DISP1: variants seen among roughly 807,000 people sequenced by gnomAD.
DISP1 encodes dispatched RND transporter family member 1, also known as protein dispatched homolog 1.
A neutral mutation model predicts 37.3 loss-of-function variants in DISP1; 30 were observed. The observed-to-expected ratio is 0.80, with a 90% CI of 0.60 to 1.09. The LOEUF is 1.09. Among genes scored for constraint, DISP1 ranks in the 50% least tolerant of loss-of-function variants. The pLI, the probability that DISP1 is intolerant of heterozygous loss-of-function variation, is 0.00. For missense variants in DISP1, 1,598 were observed against 1,879.5 expected (o/e 0.85, Z 2.77); for synonymous variants, 634 against 690.2 (o/e 0.92, Z 1.28).
intron 1 of DISP1, among the ~76,000 whole-genome samples, chr1:222,870,568 T>G (rs1007697093): frequency 2.0e-5 from 3 of 152,226 alleles, no homozygotes; most frequent in African/African-American, 4.8e-5. Context: ...TCATGTGTTT[T>G]TTGGCTGCAT....
intron 1 of DISP1, among the ~76,000 whole-genome samples, chr1:222,898,830 C>T (rs1038441366): frequency 5.9e-5 from 9 of 151,998 alleles, no homozygotes; most frequent in South Asian, 2.1e-4. Flanking sequence ...CTTTCATTGC[C>T]GTATATCTCC....
At chr1:222,927,464 A>G (rs1266561983) in intron 1 of DISP1, among the ~76,000 whole-genome samples, 2 of 152,170 alleles carry the variant, frequency 1.3e-5, no homozygotes, top group African/African-American at 2.4e-5. Flanking sequence ...ACTCTTAGAT[A>G]TATGACGTGC....
chr1:222,962,025 GAAGA>G (rs1676103261), intron 3 of DISP1, among the ~76,000 whole-genome samples: 1 of 151,370 alleles, frequency 6.6e-6, no homozygotes, highest in African/African-American at 2.4e-5. Flanking sequence ...AAAAAAAGAA[GAAGA>G]AAGCCCCATC....
chr1:222,853,477 A>G (rs896283437), intron 1 of DISP1, among the ~76,000 whole-genome samples: 7 of 152,130 alleles, frequency 4.6e-5, no homozygotes, highest in Non-Finnish European at 1.0e-4. Flanking sequence ...AATAGCCAAA[A>G]TATGGAATCA....
intron 1 of DISP1, among the ~76,000 whole-genome samples, chr1:222,835,781 G>T (rs1439714174): frequency 5.9e-5 from 9 of 151,608 alleles, no homozygotes; most frequent in Non-Finnish European, 1.2e-4. Context: ...GTGAAACTCT[G>T]TCTCTACTAA....
At chr1:222,902,081 A>AT (rs1212445820) in intron 1 of DISP1, among the ~76,000 whole-genome samples, 3 of 145,206 alleles carry the variant, frequency 2.1e-5, no homozygotes, top group East Asian at 2.1e-4. Context: ...CGGTCTATCA[A>AT]TTTTGTTGAT....
rs1572747162 is a variant in DISP1, at chr1:223,003,055, A to T, written c.1658A>T (p.Glu553Val). 1 of 1,614,042 alleles carries T rather than the reference A, an allele frequency of 6.2e-7. No individual in the cohort carries two copies. The highest frequency in any genetic ancestry group is 2.2e-5 in the East Asian group (1 of 44,864). The change falls in exon 9 of 9, where the codon GAA becomes GTA. Residue 553 changes from glutamate (E) to valine (V), a missense_variant. Transcript: ENST00000675850. This position sits in a 1 kb window ranked among gnomAD's most constrained non-coding sequence, Gnocchi z 4.3. ...CTCTATCGTGTAGTATTTCACTTCG[A>T]ATTTTTTCCTTTTATGAACCTCACT... ...YFLYRVVFHF[E>V]FFPFMNLTAL...
At chr1:222,996,766 A>G (rs1163725526) in intron 8 of DISP1, among the ~76,000 whole-genome samples, 1 of 152,194 alleles carries the variant, frequency 6.6e-6, no homozygotes, top group Non-Finnish European at 1.5e-5. Context: ...GTTGAACTCC[A>G]GCGTCTGCCT....
chr1:222,932,245 A>C (rs1490943563), intron 2 of DISP1, among the ~76,000 whole-genome samples: 2 of 151,940 alleles, frequency 1.3e-5, no homozygotes, highest in African/African-American at 4.8e-5. Context: ...ATGCTTTAAA[A>C]AATGCTAATG....
intron 3 of DISP1, among the ~76,000 whole-genome samples, chr1:222,952,366 T>C (rs1376944544): frequency 6.6e-6 from 1 of 152,170 alleles, no homozygotes; most frequent in Non-Finnish European, 1.5e-5. Context: ...CTTTCTTGGC[T>C]CTGTTAAAAC....
intron 7 of DISP1, among the ~76,000 whole-genome samples, chr1:222,993,042 A>G (rs1011523658): frequency 6.6e-6 from 1 of 151,666 alleles, no homozygotes; most frequent in Non-Finnish European, 1.5e-5. Context: ...TTGTATTTTT[A>G]GTAGAGACGG....
intron 3 of DISP1, among the ~76,000 whole-genome samples, chr1:222,954,912 G>C (rs1342145727): frequency 6.6e-6 from 1 of 151,960 alleles, no homozygotes; most frequent in Non-Finnish European, 1.5e-5. Context: ...AGGAACAGGA[G>C]GCCTGGAGGC....
chr1:222,991,602 C>T lies in DISP1; in HGVS notation c.746C>T (p.Thr249Ile). 2 of 1,613,672 alleles carry T rather than the reference C, an allele frequency of 1.2e-6. No homozygotes were observed. Among genetic ancestry groups the T allele is most frequent in the South Asian group, 1.1e-5 (1 of 91,066 alleles). Residue 249 changes from threonine (T) to isoleucine (I), a missense_variant, in exon 6 of 9, where the codon ACA (threonine) becomes ATA (isoleucine). Thr to Ile is a moderately conservative substitution (Grantham distance 89). Coordinates refer to ENST00000675850, the MANE Select transcript of DISP1 (RefSeq NM_001377229.1). Reference sequence around the variant, plus strand: ...GTGAAAAATACAGGATACAAAGCAACATTAGCAAATTATCCCTTTAAATAT... The same window carrying T: ...GTGAAAAATACAGGATACAAAGCAATATTAGCAAATTATCCCTTTAAATAT... Reference protein sequence around the residue: ...NMVKNTGYKATLANYPFKYAD... With the variant: ...NMVKNTGYKAILANYPFKYAD...
At chr1:222,985,556 G>A (rs953216736) in intron 4 of DISP1, among the ~76,000 whole-genome samples, 71 of 152,082 alleles carry the variant, frequency 4.7e-4, no homozygotes, top group Non-Finnish European at 8.7e-4. Flanking sequence ...AGGCTGAGGC[G>A]GGAGAATTGC....
At chr1:222,820,115 A>G (rs1025616892) in intron 1 of DISP1, among the ~76,000 whole-genome samples, 2 of 152,192 alleles carry the variant, frequency 1.3e-5, no homozygotes, top group African/African-American at 4.8e-5. Context: ...TTTCAGCTAC[A>G]AAAGTAGTTA....
intron 7 of DISP1, among the ~76,000 whole-genome samples, chr1:222,993,379 A>ACATAATT: frequency 6.6e-6 from 1 of 152,348 alleles, no homozygotes. Context: ...ATAATTTTTA[A>ACATAATT]TTAAGTGAAT....
chr1:222,889,528 T>C (rs112236450), intron 1 of DISP1, among the ~76,000 whole-genome samples: 2,399 of 152,160 alleles, frequency 0.016, 65 homozygotes, highest in African/African-American at 0.055. Context: ...AAATTTTTCA[T>C]TGGGTTGGTT....
At chr1:222,996,962 A>G (rs180877331) in intron 8 of DISP1, among the ~76,000 whole-genome samples, 2 of 152,240 alleles carry the variant, frequency 1.3e-5, no homozygotes, top group African/African-American at 4.8e-5. Flanking sequence ...CTCAAAAGCC[A>G]GTAAGCAATA....
At chr1:222,896,870 A>G (rs1480936191) in intron 1 of DISP1, among the ~76,000 whole-genome samples, 2 of 152,246 alleles carry the variant, frequency 1.3e-5, no homozygotes, top group African/African-American at 2.4e-5. Context: ...AACTGCCAGA[A>G]TGGCTAAAAT....
Sources: allele counts gnomAD v4.1 joint callset (sites outside exome capture counted in the v4.1 genomes callset), GRCh38; gene constraint gnomAD v4.1.1; non-coding constraint Gnocchi (gnomAD v3.1); transcripts MANE v1.5; gene names NCBI Gene and HGNC (gene_info 2026-07-23, HGNC 2026-07-21).